MAJIN: variants seen among roughly 807,000 people sequenced by gnomAD.
The protein encoded by MAJIN is membrane anchored junction protein.
Under a neutral mutation model 30.2 loss-of-function variants are expected in MAJIN, and 27 were observed. The ratio of observed to expected loss-of-function variants is 0.89; its 90% CI spans 0.66 to 1.23. The LOEUF is 1.23. Among genes scored for constraint, MAJIN ranks in the 50% most tolerant of loss-of-function variants. MAJIN has a pLI of 0.00. For missense variants in MAJIN, 253 were observed against 260.3 expected (o/e 0.97, Z 0.19); for synonymous variants, 78 against 91.6 (o/e 0.85, Z 0.85).
chr11:64,971,465 G>T (rs1945904060), intron 1 of MAJIN, among the ~76,000 whole-genome samples: 1 of 151,436 alleles, frequency 6.6e-6, no homozygotes, highest in Non-Finnish European at 1.5e-5. Context: ...GGAAGTTGCG[G>T]GGGGGCGGGG....
At chr11:64,966,938 AAAAAAAAAAG>A (rs1945820464) in intron 1 of MAJIN, among the ~76,000 whole-genome samples, 1 of 151,788 alleles carries the variant, frequency 6.6e-6, no homozygotes, top group African/African-American at 2.4e-5. Context: ...TCAAAAAAAA[AAAAAAAAAAG>A]AAAGAAAAAG....
intron 8 of MAJIN, among the ~76,000 whole-genome samples, chr11:64,941,155 A>C (rs1945373739): frequency 6.6e-6 from 1 of 151,796 alleles, no homozygotes; most frequent in African/African-American, 2.4e-5. Flanking sequence ...TCGTTTTTTC[A>C]TTTCAACATC....
rs7107721 is a variant in MAJIN, at chr11:64,938,790, G to C, written c.*2-217C>G. 2.8e-3 allele frequency among the ~76,000 whole-genome samples: 422 copies of C among 152,310 alleles called. 1 individual carries two copies. Among genetic ancestry groups the C allele is most frequent in the African/African-American group, 9.8e-3 (408 of 41,566 alleles). On this transcript the variant is annotated intron_variant, in intron 10 of 10. Transcript: ENST00000301896. The stretch of plus-strand genomic sequence containing the variant: ...ATTGCAATGGGATGGCAGAGAGAGA[G>C]AGAGACAGAGAGAGACATTTGCTAA...
chr11:64,961,224 G>GT (rs1340686802), intron 1 of MAJIN, among the ~76,000 whole-genome samples: 1 of 151,288 alleles, frequency 6.6e-6, no homozygotes, highest in Non-Finnish European at 1.5e-5. Context: ...CTGGAGTGCA[G>GT]TGGCATGATC....
intron 3 of MAJIN, 45 bp from the exon 4 acceptor site, chr11:64,954,847 C>T (rs1945607601): frequency 6.5e-7 from 1 of 1,546,652 alleles, no homozygotes; most frequent in Admixed American, 1.9e-5. Flanking sequence ...TGAAGGAAAG[C>T]TCTGGAGAGA....
intron 1 of MAJIN, among the ~76,000 whole-genome samples, chr11:64,963,577 A>T (rs240565): frequency 6.6e-6 from 1 of 152,060 alleles, no homozygotes; most frequent in Non-Finnish European, 1.5e-5. Flanking sequence ...GTGGCTCACG[A>T]CTGTAATCTC....
chr11:64,963,260 T>C (rs531992422), intron 1 of MAJIN, among the ~76,000 whole-genome samples: 2 of 152,308 alleles, frequency 1.3e-5, no homozygotes, highest in African/African-American at 4.8e-5. Context: ...AACCAAGAAC[T>C]TTTCCTTGAA....
intron 4 of MAJIN, 115 bp downstream of exon 4, chr11:64,954,642 A>G (rs780783843): frequency 1.0e-6 from 1 of 996,778 alleles, no homozygotes; most frequent in Admixed American, 1.7e-5. Flanking sequence ...TAGCAGGAGG[A>G]AGCCAAGTTA....
chr11:64,947,596 A>T (rs1945470907), intron 7 of MAJIN, 131 bp from the exon 8 acceptor site: 4 of 1,057,524 alleles, frequency 3.8e-6, no homozygotes, highest in Non-Finnish European at 5.7e-6. Context: ...TGCAAGTAAG[A>T]ATAGACATTC....
At chr11:64,962,851 G>C (rs1227736091) in intron 1 of MAJIN, among the ~76,000 whole-genome samples, 1 of 152,102 alleles carries the variant, frequency 6.6e-6, no homozygotes, top group African/African-American at 2.4e-5. Context: ...TCAAGGCCAG[G>C]CATGGTAGCT....
chr11:64,942,865 C>A (rs1275938147), intron 8 of MAJIN, among the ~76,000 whole-genome samples: 2 of 152,124 alleles, frequency 1.3e-5, no homozygotes, highest in Non-Finnish European at 2.9e-5. Context: ...GGCTTTAATT[C>A]TGCTGCATAC....
chr11:64,952,564 C>G (rs750923211), intron 4 of MAJIN, among the ~76,000 whole-genome samples: 1 of 152,096 alleles, frequency 6.6e-6, no homozygotes, highest in Non-Finnish European at 1.5e-5. Flanking sequence ...ATTTTACAGA[C>G]GGGGAAACAG....
At chr11:64,954,298 T>A in intron 4 of MAJIN, 1 of 264,640 alleles carries the variant, frequency 3.8e-6, no homozygotes, top group South Asian at 3.9e-5. Flanking sequence ...TAGAAAGGAA[T>A]GAAAATGAAG....
chr11:64,939,402 A>G (rs1408029976), intron 10 of MAJIN, among the ~76,000 whole-genome samples: 1 of 152,224 alleles, frequency 6.6e-6, no homozygotes, highest in East Asian at 1.9e-4. Flanking sequence ...GCCTGGCCCA[A>G]GTTAATGTTT....
intron 8 of MAJIN, among the ~76,000 whole-genome samples, chr11:64,942,798 CTCTGGTT>C (rs1262794948): frequency 6.6e-6 from 1 of 152,168 alleles, no homozygotes; most frequent in Admixed American, 6.5e-5. Flanking sequence ...GAGGGCCAAG[CTCTGGTT>C]TCTGGTTTGA....
In MAJIN at chr11:64,949,252, C is replaced by T. The variant is rs1945511217; in HGVS notation, c.349+491G>A. Among the ~76,000 whole-genome samples the T allele has an allele frequency of 3.3e-5, 5 of 151,974 alleles. No individual in the cohort carries two copies. In the South Asian group the frequency reaches 1.0e-3, roughly 32 times the overall value. On this transcript the variant is annotated intron_variant, in intron 6 of 10. Coordinates refer to ENST00000301896, the MANE Select transcript of MAJIN (RefSeq NM_001037225.3). ...AGCTGAGGCAGGAGGATCACTTGAG[C>T]CCAGGAGTTAGAGGTTACAGTGAAC... is the stretch of plus-strand genomic sequence containing the variant.
intron 8 of MAJIN, chr11:64,946,052 G>C (rs373234373): frequency 6.0e-6 from 9 of 1,498,222 alleles, no homozygotes; most frequent in South Asian, 3.8e-5. Flanking sequence ...AGCCTTGAAG[G>C]CTCCATTTTA....
chr11:64,965,529 G>C (rs1268169571), intron 1 of MAJIN, among the ~76,000 whole-genome samples: 1 of 152,070 alleles, frequency 6.6e-6, no homozygotes, highest in Non-Finnish European at 1.5e-5. Flanking sequence ...ACCATCCTAA[G>C]AGCTAATGAA....
At chr11:64,946,492 A>G (rs1409825186) in intron 8 of MAJIN, among the ~76,000 whole-genome samples, 1 of 152,232 alleles carries the variant, frequency 6.6e-6, no homozygotes, top group East Asian at 1.9e-4. Flanking sequence ...GGAACAAAGC[A>G]AAGCTTCATA....
Sources: allele counts gnomAD v4.1 joint callset (sites outside exome capture counted in the v4.1 genomes callset), GRCh38; gene constraint gnomAD v4.1.1; transcripts MANE v1.5; gene names NCBI Gene and HGNC (gene_info 2026-07-23, HGNC 2026-07-21).